The following LINGO2 variants were observed in gnomAD, a reference collection of about 807,000 sequenced individuals.
The protein encoded by LINGO2 is leucine-rich repeat and immunoglobulin-like domain-containing nogo receptor-interacting protein 2.
Under a neutral mutation model 30.6 loss-of-function variants are expected in LINGO2, and 14 were observed. That is an observed-to-expected ratio of 0.46 (90% CI 0.30 to 0.72). LINGO2 has a LOEUF of 0.72. Ranked by LOEUF, LINGO2 falls within the 30% of genes least tolerant of loss-of-function variation. The probability of loss-of-function intolerance (pLI) is 0.07; values close to 1 mark genes in which losing one functional copy is unlikely to be tolerated. For missense variants in LINGO2, 729 were observed against 751.7 expected (o/e 0.97, Z 0.35); for synonymous variants, 317 against 288.5 (o/e 1.10, Z -1.00).
At chr9:29,182,193 G>T in the LINGO2 span, among the ~76,000 whole-genome samples, 1 of 152,106 alleles carries the variant, frequency 6.6e-6, no homozygotes, top group Non-Finnish European at 1.5e-5. Flanking sequence ...TACCCACAAC[G>T]CATTTAAAAT....
intron 4 of LINGO2, among the ~76,000 whole-genome samples, chr9:28,051,375 A>G (rs890716932): frequency 1.3e-5 from 2 of 152,108 alleles, no homozygotes; most frequent in Non-Finnish European, 2.9e-5. Context: ...ACTTTTGTCT[A>G]CTAAATAGAC....
chr9:28,800,848 T>C, the LINGO2 span, among the ~76,000 whole-genome samples: 2 of 152,242 alleles, frequency 1.3e-5, no homozygotes, highest in Non-Finnish European at 2.9e-5. Context: ...GGGGTTATAT[T>C]ACAATGAGTA....
At chr9:28,206,093 A>G (rs1169596461) in intron 4 of LINGO2, among the ~76,000 whole-genome samples, 1 of 136,834 alleles carries the variant, frequency 7.3e-6, no homozygotes, top group Non-Finnish European at 1.5e-5. Context: ...TGAACCCAGG[A>G]GGTGGAGGTT....
At chr9:28,798,882 A>G in the LINGO2 span, among the ~76,000 whole-genome samples, 1 of 152,126 alleles carries the variant, frequency 6.6e-6, no homozygotes, top group South Asian at 2.1e-4. Flanking sequence ...CATATGTGAG[A>G]GGTACAGGAA....
chr9:28,943,992 A>C, the LINGO2 span, among the ~76,000 whole-genome samples: 1 of 152,246 alleles, frequency 6.6e-6, no homozygotes, highest in Non-Finnish European at 1.5e-5. Context: ...TGCCCTATAT[A>C]GTGGCTTAAC....
chr9:28,029,073 G>A (rs1823532877), intron 4 of LINGO2, among the ~76,000 whole-genome samples: 1 of 152,126 alleles, frequency 6.6e-6, no homozygotes. Context: ...GACCATCTAT[G>A]CAGAGAAATT....
chr9:28,520,661 G>C (rs1325347472), intron 1 of LINGO2, among the ~76,000 whole-genome samples: 1 of 152,070 alleles, frequency 6.6e-6, no homozygotes, highest in Non-Finnish European at 1.5e-5. Flanking sequence ...TAGTACCCAA[G>C]AGGCATTGAA....
chr9:28,559,801 A>G (rs957424520), intron 1 of LINGO2, among the ~76,000 whole-genome samples: 1 of 152,012 alleles, frequency 6.6e-6, no homozygotes, highest in Non-Finnish European at 1.5e-5. Context: ...GGAAATATTT[A>G]TATCTCCAGG....
the LINGO2 span, among the ~76,000 whole-genome samples, chr9:29,071,107 TA>T: frequency 6.6e-6 from 1 of 150,626 alleles, no homozygotes; most frequent in Non-Finnish European, 1.5e-5. Context: ...GATGAATATA[TA>T]ATTAAATATG....
At chr9:28,747,441 C>G in the LINGO2 span, among the ~76,000 whole-genome samples, 7 of 152,050 alleles carry the variant, frequency 4.6e-5, no homozygotes, top group Non-Finnish European at 1.0e-4. Context: ...GGACAAAGAC[C>G]TGGGTACCAA....
At chr9:28,746,414 C>G in the LINGO2 span, among the ~76,000 whole-genome samples, 1 of 152,042 alleles carries the variant, frequency 6.6e-6, no homozygotes, top group East Asian at 1.9e-4. Context: ...TCAGGGAAGA[C>G]AATCCTGCTT....
At chr9:29,116,400 A>G in the LINGO2 span, among the ~76,000 whole-genome samples, 2 of 152,142 alleles carry the variant, frequency 1.3e-5, no homozygotes, top group Non-Finnish European at 2.9e-5. Flanking sequence ...AAAATCTTCC[A>G]TAAAGATGGC....
At chr9:28,696,046 G>A in the LINGO2 span, among the ~76,000 whole-genome samples, 3 of 151,740 alleles carry the variant, frequency 2.0e-5, no homozygotes, top group African/African-American at 7.3e-5. Flanking sequence ...CCTCAGTTGT[G>A]AACCTGTTGA....
At chr9:27,943,697 G>T (rs1392182757), downstream of LINGO2, 1 of 151,810 alleles carries the variant, frequency 6.6e-6, no homozygotes, top group Non-Finnish European at 1.5e-5. Flanking sequence ...TATCCCTGGA[G>T]AGAGCGTTCA....
At chr9:28,189,931 G>C (rs964298169) in intron 4 of LINGO2, among the ~76,000 whole-genome samples, 2 of 151,978 alleles carry the variant, frequency 1.3e-5, no homozygotes, top group Non-Finnish European at 2.9e-5. Flanking sequence ...GGACTAGAAA[G>C]GGGGACAGCA....
chr9:28,747,512 G>A, the LINGO2 span, among the ~76,000 whole-genome samples: 2 of 152,050 alleles, frequency 1.3e-5, no homozygotes, highest in African/African-American at 4.8e-5. Context: ...AAAGAGCACA[G>A]TGTAGCACAC....
At position 28,329,724 on chromosome 9, in the gene LINGO2, A is replaced by T. The variant is rs1825353657; in HGVS notation, c.-245-34358T>A. On this transcript the variant is annotated intron_variant, in intron 3 of 5. Transcript: ENST00000379992. The surrounding 1 kb of genome is among the most constrained non-coding windows in gnomAD (Gnocchi z 4.5). Reference sequence around the variant, plus strand: ...CATATTCTTTATCTGGCTAATTTTAACTTGCCCTTCAAGACTTCAAACAGG... The same window carrying T: ...CATATTCTTTATCTGGCTAATTTTATCTTGCCCTTCAAGACTTCAAACAGG... 6.6e-6 allele frequency among the ~76,000 whole-genome samples: 1 copy of T among 152,002 alleles called. No individual in the cohort carries two copies. The highest frequency in any genetic ancestry group is 2.4e-5 in the African/African-American group (1 of 41,382).
At chr9:28,911,431 A>C in the LINGO2 span, among the ~76,000 whole-genome samples, 1 of 152,024 alleles carries the variant, frequency 6.6e-6, no homozygotes. Flanking sequence ...AATTTTCTAT[A>C]ATCTGAACCA....
the LINGO2 span, among the ~76,000 whole-genome samples, chr9:28,769,495 TATATATATATATATATATA>T: frequency 8.5e-5 from 1 of 11,722 alleles, no homozygotes; most frequent in Non-Finnish European, 1.3e-4. Context: ...TATATATATA[TATATATATATATATATATA>T]TATATTTTTT....
Sources: gnomAD v4.1 joint callset for allele counts (sites outside exome capture counted in the v4.1 genomes callset) on GRCh38, gnomAD v4.1.1 for gene constraint, Gnocchi (gnomAD v3.1) non-coding constraint, MANE v1.5 for transcripts, NCBI Gene and HGNC (gene_info 2026-07-23, HGNC 2026-07-21) for gene names.